The following MAF variants were observed in gnomAD, a reference collection of about 807,000 sequenced individuals.
MAF encodes transcription factor Maf.
MAF carries 10 observed loss-of-function variants against 22.0 expected under a neutral mutation model. The ratio of observed to expected loss-of-function variants is 0.45; its 90% CI spans 0.28 to 0.77. The LOEUF (loss-of-function observed/expected upper bound fraction) is 0.77. Ranked by LOEUF, MAF falls within the 30% of genes least tolerant of loss-of-function variation. MAF has a pLI of 0.12. For missense variants in MAF, 544 were observed against 548.4 expected (o/e 0.99, Z 0.08); for synonymous variants, 337 against 255.8 (o/e 1.32, Z -3.03).
chr16:79,224,614 T>A, the MAF span, among the ~76,000 whole-genome samples: 12 of 152,324 alleles, frequency 7.9e-5, no homozygotes, highest in African/African-American at 2.9e-4. Flanking sequence ...GAAAACCCTA[T>A]CGTCTCAGCC....
chr16:79,248,799 A>AC, the MAF span, among the ~76,000 whole-genome samples: 1 of 25,734 alleles, frequency 3.9e-5, no homozygotes, highest in African/African-American at 9.5e-5. Flanking sequence ...CAAAATTTAC[A>AC]AAAAAAAAAA....
the MAF span, among the ~76,000 whole-genome samples, chr16:79,501,263 C>T: frequency 6.6e-6 from 1 of 152,204 alleles, no homozygotes; most frequent in Non-Finnish European, 1.5e-5. Context: ...CTTCTTTTCC[C>T]TCTGTATCTG....
chr16:79,378,594 G>C, the MAF span, among the ~76,000 whole-genome samples: 1 of 152,132 alleles, frequency 6.6e-6, no homozygotes, highest in African/African-American at 2.4e-5. Flanking sequence ...AGATAATGCT[G>C]AGTAGAATGA....
chr16:79,390,268 G>A, the MAF span, among the ~76,000 whole-genome samples: 1 of 152,026 alleles, frequency 6.6e-6, no homozygotes, highest in Non-Finnish European at 1.5e-5. Flanking sequence ...CCATATTACT[G>A]TCTGTGGATT....
the MAF span, among the ~76,000 whole-genome samples, chr16:79,562,279 A>G: frequency 6.6e-6 from 1 of 152,228 alleles, no homozygotes; most frequent in Non-Finnish European, 1.5e-5. Flanking sequence ...ACGAATTGTG[A>G]AGCAGTACAA....
chr16:79,212,122 T>A, the MAF span: 2 of 1,533,000 alleles, frequency 1.3e-6, no homozygotes, highest in Non-Finnish European at 8.7e-7. Flanking sequence ...TTTACTGTTA[T>A]AGAATAGCCT....
At chr16:79,510,083 G>A in the MAF span, among the ~76,000 whole-genome samples, 7 of 152,160 alleles carry the variant, frequency 4.6e-5, no homozygotes, top group Non-Finnish European at 8.8e-5. Context: ...TTACTAGCTC[G>A]GCGATTGCAG....
the MAF span, among the ~76,000 whole-genome samples, chr16:79,559,311 C>A: frequency 6.6e-6 from 1 of 152,156 alleles, no homozygotes; most frequent in Non-Finnish European, 1.5e-5. Flanking sequence ...AGCCCGATCA[C>A]CCACATTGCA....
At chr16:79,216,399 A>C in the MAF span, among the ~76,000 whole-genome samples, 1 of 152,214 alleles carries the variant, frequency 6.6e-6, no homozygotes, top group African/African-American at 2.4e-5. Flanking sequence ...TCCCTAACTC[A>C]TGATGGTTTG....
chr16:79,435,798 A>G, the MAF span, among the ~76,000 whole-genome samples: 2 of 152,176 alleles, frequency 1.3e-5, no homozygotes, highest in Admixed American at 6.5e-5. Flanking sequence ...TGTAGATTCC[A>G]TACTTCGTAG....
chr16:79,379,835 T>C, the MAF span, among the ~76,000 whole-genome samples: 1 of 152,094 alleles, frequency 6.6e-6, no homozygotes, highest in South Asian at 2.1e-4. Context: ...TGAGGAGGCT[T>C]TTGTCCTATC....
the MAF span, among the ~76,000 whole-genome samples, chr16:79,521,589 C>T: frequency 6.6e-6 from 1 of 152,168 alleles, no homozygotes; most frequent in Admixed American, 6.5e-5. Context: ...ACATAGTCAA[C>T]ATCTCTTAGA....
chr16:79,503,411 T>C, the MAF span, among the ~76,000 whole-genome samples: 1 of 152,244 alleles, frequency 6.6e-6, no homozygotes, highest in Non-Finnish European at 1.5e-5. Context: ...ATTTTGATAA[T>C]TAAAAAAGTT....
the MAF span, among the ~76,000 whole-genome samples, chr16:79,371,169 G>A: frequency 6.6e-6 from 1 of 152,044 alleles, no homozygotes; most frequent in African/African-American, 2.4e-5. Context: ...TGCCTGGAGG[G>A]CTGGGCCCTG....
At chr16:79,474,194 C>A in the MAF span, among the ~76,000 whole-genome samples, 1 of 152,156 alleles carries the variant, frequency 6.6e-6, no homozygotes, top group Non-Finnish European at 1.5e-5. Context: ...TCAAGGGCTA[C>A]CCCCTCCTCC....
At chr16:79,496,587 A>T in the MAF span, among the ~76,000 whole-genome samples, 1 of 152,268 alleles carries the variant, frequency 6.6e-6, no homozygotes, top group Non-Finnish European at 1.5e-5. Flanking sequence ...CATACCTCAG[A>T]TATCTGCCTT....
chr16:79,514,581 C>T, the MAF span, among the ~76,000 whole-genome samples: 1 of 152,144 alleles, frequency 6.6e-6, no homozygotes, highest in East Asian at 1.9e-4. Context: ...CAGTTTCTTC[C>T]AGCAGAATGA....
At chr16:79,504,281 T>C in the MAF span, among the ~76,000 whole-genome samples, 3 of 152,182 alleles carry the variant, frequency 2.0e-5, no homozygotes, top group Admixed American at 2.0e-4. Context: ...CTTTTGTCCC[T>C]TATAGCTGAT....
the MAF span, among the ~76,000 whole-genome samples, chr16:79,223,513 A>C: frequency 1.3e-5 from 2 of 152,238 alleles, no homozygotes; most frequent in African/African-American, 4.8e-5. Flanking sequence ...AACTAAGATC[A>C]GAGCAGAACT....
Sources: gnomAD v4.1 joint callset for allele counts (sites outside exome capture counted in the v4.1 genomes callset) on GRCh38, gnomAD v4.1.1 for gene constraint, MANE v1.5 for transcripts, NCBI Gene and HGNC (gene_info 2026-07-23, HGNC 2026-07-21) for gene names.